The following PPP1R12A variants were observed in gnomAD, a reference collection of about 807,000 sequenced individuals.
PPP1R12A encodes protein phosphatase 1 regulatory subunit 12A.
PPP1R12A carries 19 observed loss-of-function variants against 139.6 expected under a neutral mutation model. The observed-to-expected ratio is 0.14, with a 90% CI of 0.09 to 0.20. PPP1R12A has a LOEUF of 0.20. PPP1R12A is among the 10% of genes least tolerant of loss of function. The pLI is 1.00. For missense variants in PPP1R12A, 925 were observed against 1,211.5 expected, an observed-to-expected ratio of 0.76 and a Z score of 3.51; for synonymous variants, 427 against 420.6, an observed-to-expected ratio of 1.02 and a Z score of -0.19.
In PPP1R12A at chr12:79,805,777, T is replaced by G; in HGVS notation, c.1824-9A>C. The G allele has an allele frequency of 6.2e-7, 1 of 1,602,770 alleles. No individual in the cohort carries two copies. The highest frequency in any genetic ancestry group is 8.5e-7 in the Non-Finnish European group (1 of 1,172,770). On this transcript the variant is annotated splice_polypyrimidine_tract_variant and intron_variant, in intron 13 of 24. Coordinates refer to ENST00000450142, the MANE Select transcript of PPP1R12A (RefSeq NM_002480.3). ...ACAAACGATTTGAGGTACTATAGCA[T>G]CATAAGCAGCAACACAAAAAAGAGA...
intron 14 of PPP1R12A, among the ~76,000 whole-genome samples, chr12:79,800,797 G>T (rs1031154583): frequency 6.7e-6 from 1 of 149,582 alleles, no homozygotes; most frequent in Non-Finnish European, 1.5e-5. Context: ...GCAGTGGCGC[G>T]ATCTTGGCTC....
intron 2 of PPP1R12A, among the ~76,000 whole-genome samples, chr12:79,853,856 C>T (rs1880328523): frequency 6.6e-6 from 1 of 152,186 alleles, no homozygotes. Context: ...ATTTTAATGT[C>T]ATTGAAATCT....
chr12:79,876,007 T>C (rs1883065709), intron 1 of PPP1R12A, among the ~76,000 whole-genome samples: 2 of 152,210 alleles, frequency 1.3e-5, no homozygotes, highest in South Asian at 4.1e-4. Flanking sequence ...AAATGCCACT[T>C]CAACCTAAGA....
At chr12:79,888,765 C>CA (rs981523088) in intron 1 of PPP1R12A, among the ~76,000 whole-genome samples, 2 of 152,086 alleles carry the variant, frequency 1.3e-5, no homozygotes, top group African/African-American at 4.8e-5. Context: ...CTATTACTAC[C>CA]ATTTAACAGA....
chr12:79,784,377 T>C (rs544473100), intron 22 of PPP1R12A, among the ~76,000 whole-genome samples: 3 of 152,262 alleles, frequency 2.0e-5, no homozygotes, highest in Admixed American at 1.3e-4. Flanking sequence ...TAACAGAAAT[T>C]GGTACCTGAC....
intron 2 of PPP1R12A, among the ~76,000 whole-genome samples, chr12:79,870,508 TA>T (rs1261218561): frequency 1.3e-5 from 2 of 152,162 alleles, no homozygotes; most frequent in African/African-American, 4.8e-5. Flanking sequence ...CTGCCTTTTA[TA>T]AAAACAGTCA....
At chr12:79,891,240 A>G (rs750050581) in intron 1 of PPP1R12A, among the ~76,000 whole-genome samples, 27 of 152,180 alleles carry the variant, frequency 1.8e-4, no homozygotes, top group Non-Finnish European at 2.8e-4. Flanking sequence ...GGATTGAAAA[A>G]ATCTTATATG....
chr12:79,897,464 A>T (rs139686353), intron 1 of PPP1R12A, among the ~76,000 whole-genome samples: 75 of 152,274 alleles, frequency 4.9e-4, no homozygotes, highest in African/African-American at 1.7e-3. Flanking sequence ...TGGGTAATAG[A>T]TACATCACAT....
chr12:79,781,409 C>CT, intron 23 of PPP1R12A, among the ~76,000 whole-genome samples: 1 of 151,714 alleles, frequency 6.6e-6, no homozygotes, highest in Admixed American at 6.6e-5. Context: ...GATTTAGAAA[C>CT]TTTATTTCAA....
At chr12:79,871,363 T>C (rs1332544566) in intron 2 of PPP1R12A, among the ~76,000 whole-genome samples, 2 of 152,100 alleles carry the variant, frequency 1.3e-5, no homozygotes, top group African/African-American at 4.8e-5. Flanking sequence ...CTCAGAAACA[T>C]GAATACAAAA....
intron 12 of PPP1R12A, among the ~76,000 whole-genome samples, chr12:79,806,658 T>C (rs1873875416): frequency 1.3e-5 from 2 of 152,266 alleles, no homozygotes; most frequent in South Asian, 4.1e-4. Flanking sequence ...GGTTTTGTAT[T>C]ACCCAGGGAA....
rs1555202833 is a variant in PPP1R12A at position 79,812,382 on chromosome 12, C to CTGTGTG, written c.1240-2378_1240-2373dup. On this transcript the variant is annotated intron_variant, in intron 9 of 24. Transcript: ENST00000450142. ...TGACCATTCCTTTTCTTGACTGACT[C>CTGTGTG]TGTGTGTGCGTGTGTGTGTGTGTGT... Among the ~76,000 whole-genome samples, 83 of 112,952 alleles carry CTGTGTG rather than the reference C, an allele frequency of 7.3e-4. 1 individual carries two copies. The highest frequency in any genetic ancestry group is 4.1e-3 in the African/African-American group (82 of 20,172). 74.1% of individuals were successfully genotyped at this position (112,952 alleles called of 152,430 possible). A position where few individuals can be genotyped will look rare whatever the true frequency, so the allele number is the denominator to read the frequency against.
rs143371885 is a variant in PPP1R12A at position 79,805,218 on chromosome 12, A to G, written c.2000+374T>C. On this transcript the variant is annotated intron_variant, in intron 14 of 24. Transcript: ENST00000450142. Reference sequence around the variant, plus strand: ...AAATTTCTTAATAATGGGAGGAAACAATGAGAAGAATGATAAAACCTGTTT... The same window carrying G: ...AAATTTCTTAATAATGGGAGGAAACGATGAGAAGAATGATAAAACCTGTTT... Among the ~76,000 whole-genome samples the G allele has an allele frequency of 5.4e-3, 824 of 152,354 alleles. 3 individuals carry two copies. The highest frequency in any genetic ancestry group is 0.017 in the Middle Eastern group (5 of 294).
intron 1 of PPP1R12A, among the ~76,000 whole-genome samples, chr12:79,922,179 T>C (rs1254956111): frequency 6.6e-6 from 1 of 152,062 alleles, no homozygotes. Flanking sequence ...GGAGAATCAC[T>C]AAGGCCAGGC....
intron 8 of PPP1R12A, among the ~76,000 whole-genome samples, chr12:79,818,035 A>C (rs189254470): frequency 3.3e-5 from 5 of 152,328 alleles, no homozygotes; most frequent in Admixed American, 2.6e-4. Context: ...TAAAAAGTCT[A>C]AAGTTAAATG....
At chr12:79,797,049 A>G in intron 16 of PPP1R12A, 99 bp from the exon 17 acceptor site, 1 of 1,398,974 alleles carries the variant, frequency 7.1e-7, no homozygotes. Flanking sequence ...TAGTATACTA[A>G]TCACGCCAAA....
At chr12:79,838,181 TAAAGC>T (rs1314196096) in intron 3 of PPP1R12A, among the ~76,000 whole-genome samples, 1 of 152,208 alleles carries the variant, frequency 6.6e-6, no homozygotes, top group African/African-American at 2.4e-5. Flanking sequence ...TGTTGGGAAC[TAAAGC>T]AAAGGTCACT....
chr12:79,857,182 C>T (rs970561333), intron 2 of PPP1R12A, among the ~76,000 whole-genome samples: 1 of 152,040 alleles, frequency 6.6e-6, no homozygotes, highest in Non-Finnish European at 1.5e-5. Context: ...GGAACCAACC[C>T]AAATGTCCAA....
intron 19 of PPP1R12A, among the ~76,000 whole-genome samples, chr12:79,791,488 G>A (rs943354089): frequency 1.1e-4 from 16 of 152,156 alleles, no homozygotes; most frequent in Non-Finnish European, 8.8e-5. Context: ...CATCACATCC[G>A]ACTAATTTCT....
Sources: allele counts gnomAD v4.1 joint callset (sites outside exome capture counted in the v4.1 genomes callset), GRCh38; gene constraint gnomAD v4.1.1; transcripts MANE v1.5; gene names NCBI Gene and HGNC (gene_info 2026-07-23, HGNC 2026-07-21).